The following RGS6 variants were observed in gnomAD, a reference collection of about 807,000 sequenced individuals.
RGS6 encodes regulator of G-protein signaling 6.
In RGS6, 30 loss-of-function variants were observed where a neutral mutation model predicts 78.5. The ratio of observed to expected loss-of-function variants is 0.38; its 90% CI spans 0.29 to 0.52. The LOEUF is 0.52. Ranked by LOEUF, RGS6 falls within the 20% of genes least tolerant of loss-of-function variation. The pLI, the probability that RGS6 is intolerant of heterozygous loss-of-function variation, is 0.85. For synonymous variants in RGS6, 206 were observed against 206.0 expected, an observed-to-expected ratio of 1.00 and a Z score of 0.00; for missense variants, 495 against 609.7, an observed-to-expected ratio of 0.81 and a Z score of 1.98.
intron 2 of RGS6, among the ~76,000 whole-genome samples, chr14:72,104,170 C>G (rs17107255): frequency 0.047 from 7,132 of 152,004 alleles, 207 homozygotes; most frequent in Admixed American, 0.094. Context: ...TGTTTCTTTG[C>G]CTCCCATGGG....
chr14:72,079,255 T>A (rs879667533), intron 2 of RGS6, among the ~76,000 whole-genome samples: 1 of 152,118 alleles, frequency 6.6e-6, no homozygotes, highest in Non-Finnish European at 1.5e-5. Context: ...TATTATTAAA[T>A]TTTTTTCTAC....
intron 2 of RGS6, among the ~76,000 whole-genome samples, chr14:72,212,841 G>C (rs2044510738): frequency 6.6e-6 from 1 of 152,106 alleles, no homozygotes; most frequent in Non-Finnish European, 1.5e-5. Flanking sequence ...GATGCCACTG[G>C]GTATCCTGTA....
intron 2 of RGS6, among the ~76,000 whole-genome samples, chr14:72,024,273 C>G (rs1469472998): frequency 6.6e-6 from 1 of 152,216 alleles, no homozygotes. Context: ...CCTGTGCACA[C>G]CGTCTAACAG....
the RGS6 span, among the ~76,000 whole-genome samples, chr14:71,888,324 A>C: frequency 6.6e-6 from 1 of 152,028 alleles, no homozygotes; most frequent in Non-Finnish European, 1.5e-5. Context: ...GCTACAAGGC[A>C]GGAGAATTGC....
intron 2 of RGS6, among the ~76,000 whole-genome samples, chr14:72,131,821 C>A (rs556392859): frequency 6.6e-6 from 1 of 152,324 alleles, no homozygotes; most frequent in African/African-American, 2.4e-5. Flanking sequence ...AAAAGCAAAT[C>A]TGTTCAATAG....
chr14:71,884,974 C>T, the RGS6 span, among the ~76,000 whole-genome samples: 27 of 152,232 alleles, frequency 1.8e-4, no homozygotes, highest in Admixed American at 9.2e-4. Flanking sequence ...CCTCATTTGC[C>T]TCATGCTAGT....
intron 17 of RGS6, among the ~76,000 whole-genome samples, chr14:72,552,958 A>G (rs1465492630): frequency 6.6e-6 from 1 of 152,226 alleles, no homozygotes; most frequent in Non-Finnish European, 1.5e-5. Context: ...TCTACAGCCA[A>G]ACAAGCGATT....
intron 2 of RGS6, among the ~76,000 whole-genome samples, chr14:72,165,284 G>C: frequency 6.6e-6 from 1 of 152,196 alleles, no homozygotes; most frequent in East Asian, 1.9e-4. Flanking sequence ...AAGAATCTCC[G>C]GAGAACATCT....
chr14:72,582,710 C>G, the RGS6 span, among the ~76,000 whole-genome samples: 2 of 152,108 alleles, frequency 1.3e-5, no homozygotes, highest in African/African-American at 4.8e-5. Flanking sequence ...AACATCTGTT[C>G]ATCAGCATGT....
At chr14:72,400,945 C>G (rs2152997736) in intron 3 of RGS6, among the ~76,000 whole-genome samples, 1 of 152,336 alleles carries the variant, frequency 6.6e-6, no homozygotes, top group East Asian at 1.9e-4. Flanking sequence ...CCAAGCCTTT[C>G]TCCACTGCTT....
chr14:72,233,281 T>A (rs750328058), intron 2 of RGS6, among the ~76,000 whole-genome samples: 1 of 151,890 alleles, frequency 6.6e-6, no homozygotes, highest in South Asian at 2.1e-4. Flanking sequence ...TTAGAAGGAG[T>A]GTGCAGGATG....
chr14:72,415,725 A>T (rs538894385), intron 3 of RGS6, among the ~76,000 whole-genome samples: 2 of 152,324 alleles, frequency 1.3e-5, no homozygotes, highest in East Asian at 3.9e-4. Flanking sequence ...TATGCACAAC[A>T]TTGGCCATTA....
At chr14:72,401,330 G>T (rs1050884426) in intron 3 of RGS6, among the ~76,000 whole-genome samples, 8 of 151,870 alleles carry the variant, frequency 5.3e-5, no homozygotes, top group Non-Finnish European at 1.0e-4. Flanking sequence ...TCCAGGCCTG[G>T]CTTGTTTTCC....
At chr14:72,365,532 G>T (rs2152810868) in intron 3 of RGS6, among the ~76,000 whole-genome samples, 1 of 152,254 alleles carries the variant, frequency 6.6e-6, no homozygotes, top group South Asian at 2.1e-4. Flanking sequence ...CACAAGAGAT[G>T]GTAGGCATTT....
chr14:72,179,796 T>C (rs1374864052), intron 2 of RGS6, among the ~76,000 whole-genome samples: 1 of 152,106 alleles, frequency 6.6e-6, no homozygotes, highest in African/African-American at 2.4e-5. Context: ...GGGAACTTGT[T>C]ACAAATGCAG....
chr14:72,158,348 C>G (rs916585927), intron 2 of RGS6, among the ~76,000 whole-genome samples: 8 of 152,088 alleles, frequency 5.3e-5, no homozygotes, highest in Non-Finnish European at 1.0e-4. Context: ...TAGGGCCCAC[C>G]CTAATGACTG....
At chr14:72,122,358 T>C (rs1382999818) in intron 2 of RGS6, among the ~76,000 whole-genome samples, 1 of 152,112 alleles carries the variant, frequency 6.6e-6, no homozygotes, top group Non-Finnish European at 1.5e-5. Context: ...ATAGTAATAG[T>C]AGCCCTTAGC....
intron 2 of RGS6, among the ~76,000 whole-genome samples, chr14:72,146,127 A>G (rs899987243): frequency 2.6e-5 from 4 of 152,190 alleles, no homozygotes; most frequent in African/African-American, 9.7e-5. Flanking sequence ...CACACATGCC[A>G]CAGAGAGCAA....
intron 1 of RGS6, among the ~76,000 whole-genome samples, chr14:71,959,010 G>T (rs1456324295): frequency 3.9e-5 from 6 of 152,174 alleles, no homozygotes; most frequent in Admixed American, 2.6e-4. Flanking sequence ...AAAATACTGG[G>T]TGTCTTCCAG....
Sources: gnomAD v4.1 joint callset for allele counts (sites outside exome capture counted in the v4.1 genomes callset) on GRCh38, gnomAD v4.1.1 for gene constraint, MANE v1.5 for transcripts, NCBI Gene and HGNC (gene_info 2026-07-23, HGNC 2026-07-21) for gene names.